The following DMD variants were observed in gnomAD, a reference collection of about 807,000 sequenced individuals.
DMD encodes the protein dystrophin.
Under a neutral mutation model 330.1 loss-of-function variants are expected in DMD, and 63 were observed. The ratio of observed to expected loss-of-function variants is 0.19; its 90% CI spans 0.16 to 0.24. The LOEUF is 0.24. Ranked by LOEUF, DMD falls within the 10% of genes least tolerant of loss-of-function variation. DMD has a pLI of 1.00. For missense variants in DMD, 3,344 were observed against 2,684.1 expected (o/e 1.25, Z -5.43); for synonymous variants, 1,223 against 959.8 (o/e 1.27, Z -5.07).
chrX:32,755,904 C>T (rs994227272), intron 7 of DMD, among the ~76,000 whole-genome samples: 12 of 111,882 alleles, frequency 1.1e-4, no homozygotes, highest in Non-Finnish European at 2.1e-4. Context: ...ATTAATTTTT[C>T]TTCATTGCAC....
At chrX:32,755,747 CTTAA>C (rs966506386) in intron 7 of DMD, among the ~76,000 whole-genome samples, 1 of 111,990 alleles carries the variant, frequency 8.9e-6, no homozygotes, top group African/African-American at 3.2e-5. Context: ...GTATTAGCTA[CTTAA>C]TTAAACTTTT....
chrX:31,951,134 T>TAC lies in DMD; in HGVS notation c.6614+17204_6614+17205insGT, dbSNP rs1569521235. Reference sequence around the variant, plus strand: ...TACTATATATATACATATATATATATATATATGTGTATATATATATATATG... The same window carrying TAC: ...TACTATATATATACATATATATATATACATATATGTGTATATATATATATATG... On this transcript the variant is annotated intron_variant, in intron 45 of 78. Transcript: ENST00000357033. Among the ~76,000 whole-genome samples the TAC allele has an allele frequency of 7.4e-4, 56 of 75,902 alleles. 2 individuals are homozygous for TAC. Among genetic ancestry groups the TAC allele is most frequent in the Non-Finnish European group, 7.9e-4 (32 of 40,659 alleles). 65.9% of individuals were successfully genotyped at this position (75,902 alleles called of 115,157 possible).
intron 1 of DMD, among the ~76,000 whole-genome samples, chrX:33,024,268 C>T (rs1239597005): frequency 8.9e-6 from 1 of 112,095 alleles, no homozygotes; most frequent in East Asian, 2.8e-4. Context: ...CCTGTTTAGT[C>T]ATTTCAAGCA....
chrX:32,494,955 A>G (rs1315779996), intron 19 of DMD, among the ~76,000 whole-genome samples: 1 of 111,493 alleles, frequency 9.0e-6, no homozygotes, highest in Non-Finnish European at 1.9e-5. Flanking sequence ...AGCCTGGGCA[A>G]CAGAGCAAGA....
intron 62 of DMD, among the ~76,000 whole-genome samples, chrX:31,306,458 G>A (rs1436721872): frequency 1.8e-5 from 2 of 111,181 alleles, no homozygotes; most frequent in East Asian, 2.8e-4. Context: ...TTTCATCTCC[G>A]CCTGACTTCT....
At chrX:33,248,135 G>A (rs1254064951) in intron 1 of DMD, among the ~76,000 whole-genome samples, 2 of 110,934 alleles carry the variant, frequency 1.8e-5, no homozygotes, top group Admixed American at 1.9e-4. Context: ...TCCGCCTCCC[G>A]GGTTCACACC....
At chrX:31,157,203 A>AT (rs1168484038) in intron 74 of DMD, among the ~76,000 whole-genome samples, 1 of 112,242 alleles carries the variant, frequency 8.9e-6, no homozygotes, top group African/African-American at 3.2e-5. Context: ...GTAGATCTGT[A>AT]TCTTGCTCAA....
rs1350425557 is a variant in DMD, at chrX:32,844,786, A to G, written c.261T>C (p.Asn87=). 1.7e-6 allele frequency: 2 copies of G among 1,208,217 alleles called. No individual in the cohort carries two copies. Among genetic ancestry groups the G allele is most frequent in the South Asian group, 1.8e-5 (1 of 56,894 alleles). Reference sequence around the variant, plus strand: ...CCTTGTCCAGGGTACTACTTACATTATTGTTCTGCAAAACCCGCAGTGCCT... The same window carrying G: ...CCTTGTCCAGGGTACTACTTACATTGTTGTTCTGCAAAACCCGCAGTGCCT... ...VNKALRVLQN[N]NVDLVNIGST... Residue 87 remains asparagine, a synonymous_variant, in exon 4 of 79, where the codon AAT becomes AAC. Transcript: ENST00000357033.
chrX:33,122,934 G>A (rs968470811), intron 1 of DMD, among the ~76,000 whole-genome samples: 1 of 112,106 alleles, frequency 8.9e-6, no homozygotes, highest in Non-Finnish European at 1.9e-5. Flanking sequence ...AATTCCAAGT[G>A]TGGCCCAAAA....
intron 41 of DMD, among the ~76,000 whole-genome samples, chrX:32,320,729 CAAGA>C (rs980080457): frequency 6.0e-4 from 67 of 111,756 alleles, no homozygotes; most frequent in Non-Finnish European, 9.8e-4. Flanking sequence ...GGCAATCATA[CAAGA>C]AAGAAAGATT....
intron 43 of DMD, among the ~76,000 whole-genome samples, chrX:32,238,467 GAGAGAGAA>G (rs900483707): frequency 2.8e-5 from 3 of 105,383 alleles, no homozygotes; most frequent in Admixed American, 1.0e-4. Flanking sequence ...GAGAGAGAGA[GAGAGAGAA>G]AGAGAGACAC....
rs748338697 is a variant in DMD, at chrX:32,714,494, T to A, written c.650-15201A>T. On this transcript the variant is annotated intron_variant, in intron 7 of 78. Coordinates refer to ENST00000357033, the MANE Select transcript of DMD (RefSeq NM_004006.3). ...TTCATCCATGTTGCTGCAAAAGACATAATTTTATTCCTTTGTGGCTCGTTA... is the reference window on the plus strand; with the variant it reads ...TTCATCCATGTTGCTGCAAAAGACAAAATTTTATTCCTTTGTGGCTCGTTA... Among the ~76,000 whole-genome samples the A allele has an allele frequency of 2.7e-5, 3 of 112,099 alleles. No homozygotes were observed. The South Asian group carries it at 1.1e-3, about 41-fold the overall frequency.
chrX:33,046,733 A>G (rs1185771315), intron 1 of DMD, among the ~76,000 whole-genome samples: 1 of 112,387 alleles, frequency 8.9e-6, no homozygotes, highest in African/African-American at 3.2e-5. Context: ...AAAAACATGT[A>G]TTTATTTAGT....
intron 52 of DMD, among the ~76,000 whole-genome samples, chrX:31,702,054 T>C (rs1343107944): frequency 1.8e-5 from 2 of 112,125 alleles, no homozygotes; most frequent in Non-Finnish European, 3.8e-5. Flanking sequence ...ATCCCTTCAG[T>C]ACCTGCCAAT....
chrX:32,499,125 T>C (rs1051945737), intron 19 of DMD, among the ~76,000 whole-genome samples: 4 of 111,989 alleles, frequency 3.6e-5, no homozygotes, highest in South Asian at 3.6e-4. Flanking sequence ...ATTTTTTCCA[T>C]CTTGGAATTT....
intron 11 of DMD, among the ~76,000 whole-genome samples, chrX:32,640,160 G>A (rs2059359146): frequency 9.2e-6 from 1 of 108,967 alleles, no homozygotes; most frequent in African/African-American, 3.3e-5. Context: ...TATAAAAAGT[G>A]ACATGGTATG....
intron 55 of DMD, among the ~76,000 whole-genome samples, chrX:31,569,597 C>T (rs1418158517): frequency 1.2e-5 from 1 of 80,164 alleles, no homozygotes; most frequent in Non-Finnish European, 2.6e-5. Context: ...TATATATATA[C>T]ACATATATGT....
intron 48 of DMD, among the ~76,000 whole-genome samples, chrX:31,861,936 G>A (rs781351594): frequency 2.3e-3 from 141 of 62,215 alleles, no homozygotes; most frequent in Non-Finnish European, 3.5e-3. Flanking sequence ...GACAAGAGTA[G>A]AAAATAATAT....
intron 17 of DMD, among the ~76,000 whole-genome samples, chrX:32,543,262 A>G (rs979942602): frequency 5.8e-5 from 5 of 86,826 alleles, no homozygotes; most frequent in African/African-American, 1.4e-4. Flanking sequence ...TGATACAAAC[A>G]AATTTTGGAG....
Sources: gnomAD v4.1 joint callset for allele counts (sites outside exome capture counted in the v4.1 genomes callset) on GRCh38, gnomAD v4.1.1 for gene constraint, MANE v1.5 for transcripts, NCBI Gene and HGNC (gene_info 2026-07-23, HGNC 2026-07-21) for gene names.